The following OR6N1 variants were observed in gnomAD, a reference collection of about 807,000 sequenced individuals.
OR6N1 encodes olfactory receptor family 6 subfamily N member 1, also known as olfactory receptor 6N1.
For synonymous variants in OR6N1, 170 were observed against 150.7 expected (o/e 1.13, Z -0.94); for missense variants, 394 against 371.7 (o/e 1.06, Z -0.49).
At chr1:158,770,018 C>T (rs1318603405) in intron 1 of OR6N1, among the ~76,000 whole-genome samples, 2 of 152,044 alleles carry the variant, frequency 1.3e-5, no homozygotes, top group African/African-American at 2.4e-5. Flanking sequence ...ATATTCCTTC[C>T]CTTCTAAATA....
At chr1:158,836,209 T>A in the OR6N1 span, among the ~76,000 whole-genome samples, 3 of 152,068 alleles carry the variant, frequency 2.0e-5, no homozygotes, top group South Asian at 6.2e-4. Context: ...AGTGCCTCTG[T>A]CTGGCTTTGC....
At chr1:158,835,624 G>T in the OR6N1 span, among the ~76,000 whole-genome samples, 3 of 109,936 alleles carry the variant, frequency 2.7e-5, no homozygotes, top group African/African-American at 7.1e-5. Context: ...GTGGGGGCGG[G>T]GGGTGGGTGT....
At chr1:158,806,443 T>C in the OR6N1 span, among the ~76,000 whole-genome samples, 1 of 152,232 alleles carries the variant, frequency 6.6e-6, no homozygotes, top group African/African-American at 2.4e-5. Flanking sequence ...CAATGATTAA[T>C]ATTTACATGC....
chr1:158,780,292 T>G, the OR6N1 span, among the ~76,000 whole-genome samples: 2 of 152,226 alleles, frequency 1.3e-5, no homozygotes, highest in Non-Finnish European at 2.9e-5. Flanking sequence ...GCCAACTGTA[T>G]GTGTAGAACA....
At chr1:158,777,397 T>C in the OR6N1 span, 1 of 1,614,130 alleles carries the variant, frequency 6.2e-7, no homozygotes, top group Non-Finnish European at 8.5e-7. Context: ...AGACAACATC[T>C]TAGGGATAGT....
chr1:158,812,171 G>GT, the OR6N1 span, among the ~76,000 whole-genome samples: 6 of 152,210 alleles, frequency 3.9e-5, no homozygotes, highest in Non-Finnish European at 8.8e-5. Flanking sequence ...GCTTTGTAGT[G>GT]TATCACCCTG....
At chr1:158,777,976 C>T in the OR6N1 span, among the ~76,000 whole-genome samples, 11 of 152,150 alleles carry the variant, frequency 7.2e-5, no homozygotes, top group Admixed American at 7.2e-4. Flanking sequence ...CCTATAGATA[C>T]TATTTCACAG....
the OR6N1 span, among the ~76,000 whole-genome samples, chr1:158,778,384 A>C: frequency 1.3e-5 from 2 of 152,232 alleles, no homozygotes; most frequent in Non-Finnish European, 2.9e-5. Context: ...GAATTTTCCA[A>C]GAAGATCTGG....
At chr1:158,816,295 C>A in the OR6N1 span, among the ~76,000 whole-genome samples, 1 of 152,150 alleles carries the variant, frequency 6.6e-6, no homozygotes. Flanking sequence ...GTGTCAGGAG[C>A]AGTGTTAATC....
At chr1:158,824,191 G>A in the OR6N1 span, among the ~76,000 whole-genome samples, 1 of 152,014 alleles carries the variant, frequency 6.6e-6, no homozygotes, top group Non-Finnish European at 1.5e-5. Flanking sequence ...TTCCCGTGCT[G>A]TTCTCATGAT....
chr1:158,773,976 G>C (rs1483431003), upstream of OR6N1, among the ~76,000 whole-genome samples: 1 of 152,204 alleles, frequency 6.6e-6, no homozygotes, highest in Non-Finnish European at 1.5e-5. Flanking sequence ...GATTGGCATA[G>C]TGCTAATACT....
At position 158,766,118 on chromosome 1, in the gene OR6N1, A is replaced by ACAGGAGGGAAGTC; in HGVS notation, c.564_565insGACTTCCCTCCTG (p.Cys189AspfsTer7). 6.2e-7 allele frequency: 1 copy of ACAGGAGGGAAGTC among 1,614,208 alleles called. No individual in the cohort carries two copies. Reference sequence around the variant, plus strand: ...AGGACATTTATAGACGTATCAGTGCAAGCCAAACTCAGCACAGGAGGGAAG... The same window carrying ACAGGAGGGAAGTC: ...AGGACATTTATAGACGTATCAGTGCACAGGAGGGAAGTCAGCCAAACTCAGCACAGGAGGGAAG... On this transcript the variant is annotated frameshift_variant, in exon 2 of 2. Transcript: ENST00000641846. LOFTEE classifies it low-confidence loss of function (END_TRUNC).
At chr1:158,814,845 GA>G in the OR6N1 span, among the ~76,000 whole-genome samples, 1 of 151,828 alleles carries the variant, frequency 6.6e-6, no homozygotes, top group Non-Finnish European at 1.5e-5. Context: ...TAACATCATA[GA>G]AAAAAAACTA....
chr1:158,805,538 G>C, the OR6N1 span, among the ~76,000 whole-genome samples: 1 of 152,068 alleles, frequency 6.6e-6, no homozygotes, highest in Non-Finnish European at 1.5e-5. Flanking sequence ...CCATTCATAG[G>C]GTGTGTGTTA....
chr1:158,812,546 C>T, the OR6N1 span, among the ~76,000 whole-genome samples: 1 of 152,142 alleles, frequency 6.6e-6, no homozygotes, highest in Non-Finnish European at 1.5e-5. Context: ...AGAGAGACAA[C>T]TAAGAGTGCT....
At chr1:158,797,704 T>C in the OR6N1 span, among the ~76,000 whole-genome samples, 1 of 152,194 alleles carries the variant, frequency 6.6e-6, no homozygotes, top group Non-Finnish European at 1.5e-5. Flanking sequence ...GGAGGAAGAC[T>C]TTTGCATATA....
At chr1:158,782,647 T>C in the OR6N1 span, among the ~76,000 whole-genome samples, 1 of 152,306 alleles carries the variant, frequency 6.6e-6, no homozygotes, top group Admixed American at 6.5e-5. Context: ...GTCCTGTCAA[T>C]TACTAGAAAT....
the OR6N1 span, among the ~76,000 whole-genome samples, chr1:158,778,796 C>T: frequency 3.3e-5 from 5 of 151,504 alleles, no homozygotes; most frequent in Admixed American, 1.3e-4. Context: ...GGGTAGATCA[C>T]GAGGTCGGGA....
the OR6N1 span, among the ~76,000 whole-genome samples, chr1:158,792,918 A>G: frequency 6.6e-6 from 1 of 152,160 alleles, no homozygotes; most frequent in Non-Finnish European, 1.5e-5. Flanking sequence ...ACCTATAATT[A>G]TTAGGTTTTG....
Sources: allele counts gnomAD v4.1 joint callset (sites outside exome capture counted in the v4.1 genomes callset), GRCh38; gene constraint gnomAD v4.1.1; transcripts MANE v1.5; gene names NCBI Gene and HGNC (gene_info 2026-07-23, HGNC 2026-07-21).